Variants in DAW1 observed in about 807,000 individuals in gnomAD.
The protein encoded by DAW1 is dynein assembly factor with WD repeats 1, also known as dynein assembly factor with WD repeat domains 1.
DAW1 carries 47 observed loss-of-function variants against 56.5 expected under a neutral mutation model. The observed-to-expected ratio is 0.83, with a 90% CI of 0.66 to 1.06. The LOEUF is 1.06. DAW1 is among the 50% of genes least tolerant of loss of function. The pLI is 0.00. For missense variants in DAW1, 505 were observed against 499.3 expected, an observed-to-expected ratio of 1.01 and a Z score of -0.11; for synonymous variants, 190 against 179.0, an observed-to-expected ratio of 1.06 and a Z score of -0.49.
chr2:227,905,105 A>C, intron 8 of DAW1, 70 bp downstream of exon 8: 1 of 1,329,948 alleles, frequency 7.5e-7, no homozygotes, highest in Non-Finnish European at 1.1e-6. Context: ...GTTATTTTTT[A>C]GTTTAAGCTA....
intron 7 of DAW1, among the ~76,000 whole-genome samples, chr2:227,903,441 T>G (rs1715834): frequency 0.39 from 59,693 of 152,080 alleles, 11,888 homozygotes; most frequent in Middle Eastern, 0.55. Context: ...AAGAGAATCC[T>G]TAGAGCAATG....
intron 10 of DAW1, among the ~76,000 whole-genome samples, chr2:227,910,902 A>G (rs1285855346): frequency 1.3e-5 from 2 of 152,146 alleles, no homozygotes; most frequent in African/African-American, 4.8e-5. Flanking sequence ...CATATGACAC[A>G]AAATTATGTG....
intron 8 of DAW1, among the ~76,000 whole-genome samples, chr2:227,905,757 T>C (rs1396859398): frequency 6.6e-6 from 1 of 152,096 alleles, no homozygotes; most frequent in East Asian, 1.9e-4. Flanking sequence ...ATTATTTATT[T>C]AGTTAGTTAG....
At chr2:227,889,775 T>C (rs1010279941) in intron 2 of DAW1, 81 bp from the exon 3 acceptor site, 2 of 1,198,360 alleles carry the variant, frequency 1.7e-6, no homozygotes, top group African/African-American at 1.6e-5. Context: ...CATGAAGCAA[T>C]ACAATCAATT....
intron 5 of DAW1, chr2:227,895,715 C>A (rs1691389323): frequency 6.6e-6 from 1 of 152,206 alleles, no homozygotes; most frequent in Non-Finnish European, 1.5e-5. Flanking sequence ...GAGGTCAGAG[C>A]ATTCAGTGGA....
Position 227,906,221 on chromosome 2 carries a change from AT to A in DAW1, c.756-10del. The A allele has an allele frequency of 1.9e-6, 3 of 1,591,016 alleles. No individual in the cohort carries two copies. Among genetic ancestry groups the A allele is most frequent in the Non-Finnish European group, 2.6e-6 (3 of 1,163,976 alleles). On this transcript the variant is annotated splice_polypyrimidine_tract_variant and intron_variant, in intron 8 of 12. Transcript: ENST00000309931. Reference sequence around the variant, plus strand: ...AAGATATCTTTCACTAGTTTTAATTATTTTTGTGTTGTAGGAAGGTAAATAT... The same window carrying A: ...AAGATATCTTTCACTAGTTTTAATTATTTTGTGTTGTAGGAAGGTAAATAT...
At chr2:227,906,178 A>G in intron 8 of DAW1, 58 bp from the exon 9 acceptor site, 2 of 1,375,396 alleles carry the variant, frequency 1.5e-6, no homozygotes, top group Non-Finnish European at 1.0e-6. Context: ...CTCATTATTC[A>G]TGTGCATATA....
chr2:227,892,920 A>G (rs1691306604), intron 4 of DAW1, among the ~76,000 whole-genome samples: 1 of 152,182 alleles, frequency 6.6e-6, no homozygotes, highest in Non-Finnish European at 1.5e-5. Flanking sequence ...ATTACACTCT[A>G]TTCACTATTC....
In DAW1 at chr2:227,923,776, C is replaced by G. The variant is rs534587312; in HGVS notation, c.1214-158C>G. Among the ~76,000 whole-genome samples, 13 of 152,132 alleles carry G rather than the reference C, an allele frequency of 8.5e-5. 1 individual carries two copies. The East Asian group carries it at 2.5e-3, about 29-fold the overall frequency. On this transcript the variant is annotated intron_variant, in intron 12 of 12. Coordinates refer to ENST00000309931, the MANE Select transcript of DAW1 (RefSeq NM_178821.3). The stretch of plus-strand genomic sequence containing the variant: ...AAAAAAAATCACTACTTTAAAAATG[C>G]CTGAGCTGCTCAGAGACTCTGCAGC...
rs567545667 is a variant in DAW1, at chr2:227,924,303, C to G, written c.*335C>G. On this transcript the variant is annotated 3_prime_UTR_variant, in exon 13 of 13. Coordinates refer to ENST00000309931, the MANE Select transcript of DAW1 (RefSeq NM_178821.3). ...GTGTCTCCTGGATTTTACTTTGAAG[C>G]CTATTGTTATAATTTCTGTTGAATA... The G allele has an allele frequency of 2.7e-5, 8 of 295,716 alleles. No homozygotes were observed. The East Asian group carries it at 3.6e-4, about 13-fold the overall frequency. The allele number at this position is 295,716 out of a possible 1,614,324, so 18.3% of individuals were successfully genotyped here.
intron 10 of DAW1, among the ~76,000 whole-genome samples, chr2:227,916,296 C>T (rs1041969886): frequency 1.3e-5 from 2 of 152,098 alleles, no homozygotes; most frequent in Admixed American, 6.6e-5. Context: ...TATGAGTAAT[C>T]TCACTGATGA....
At position 227,889,907 on chromosome 2, in the gene DAW1, C is replaced by T. The variant is rs763918210; in HGVS notation, c.165C>T (p.Leu55=). The T allele has an allele frequency of 6.2e-7, 1 of 1,610,756 alleles. No homozygotes were observed. The highest frequency in any genetic ancestry group is 1.7e-5 in the Admixed American group (1 of 59,198). The change falls in exon 3 of 13, where the codon CTC becomes CTT. Residue 55 remains leucine (L), a synonymous_variant. Transcript: ENST00000309931. ...VEEIQKAEPL[L]TASRTEQVKL... is the part of the protein sequence containing the mutation. Reference sequence around the variant, plus strand: ...AAATCCAGAAGGCAGAACCTCTACTCACAGCTTCACGAACAGAGCAAGTCA... The same window carrying T: ...AAATCCAGAAGGCAGAACCTCTACTTACAGCTTCACGAACAGAGCAAGTCA...
chr2:227,911,283 T>TACAC (rs1691817712), intron 10 of DAW1, among the ~76,000 whole-genome samples: 5 of 147,442 alleles, frequency 3.4e-5, no homozygotes, highest in Admixed American at 2.7e-4. Flanking sequence ...TACACGTGTA[T>TACAC]ATATACATAT....
intron 2 of DAW1, among the ~76,000 whole-genome samples, chr2:227,885,876 T>A (rs1691117565): frequency 1.3e-5 from 2 of 152,200 alleles, no homozygotes; most frequent in Non-Finnish European, 2.9e-5. Flanking sequence ...GAATCCTACA[T>A]GACATTTAGC....
At chr2:227,886,307 C>A (rs1015131765) in intron 2 of DAW1, among the ~76,000 whole-genome samples, 13 of 152,148 alleles carry the variant, frequency 8.5e-5, no homozygotes, top group African/African-American at 3.1e-4. Flanking sequence ...ACCCAGAGTT[C>A]ATTCTCTTTA....
chr2:227,915,839 T>TAACC (rs1691938476), intron 10 of DAW1, among the ~76,000 whole-genome samples: 1 of 152,168 alleles, frequency 6.6e-6, no homozygotes, highest in South Asian at 2.1e-4. Context: ...CTCTTCTTGA[T>TAACC]AACCACATCA....
intron 10 of DAW1, among the ~76,000 whole-genome samples, chr2:227,910,119 A>G (rs1421769339): frequency 1.3e-5 from 2 of 152,220 alleles, no homozygotes; most frequent in Admixed American, 6.5e-5. Flanking sequence ...ATATTGTACT[A>G]TGACAATTTC....
At chr2:227,878,809 A>ATTTT (rs61488173) in intron 1 of DAW1, among the ~76,000 whole-genome samples, 1 of 138,084 alleles carries the variant, frequency 7.2e-6, no homozygotes, top group Non-Finnish European at 1.6e-5. Context: ...TTTAAATTTA[A>ATTTT]TTTTTTTTTT....
rs755454844 is a variant in DAW1 at position 227,893,842 on chromosome 2, C to A, written c.365C>A (p.Ala122Glu). The change falls in exon 5 of 13, where the codon GCG (alanine) becomes GAG (glutamate). Residue 122 changes from alanine (A) to glutamate (E), a missense_variant. Coordinates refer to ENST00000309931, the MANE Select transcript of DAW1 (RefSeq NM_178821.3). ...YDRTCKLWDT[A>E]SGEELNTLEG... The stretch of plus-strand genomic sequence containing the variant: ...CGGACGTGCAAGCTCTGGGACACTG[C>A]GTCTGGAGAGGAGCTGAACACGCTG... 3 of 1,613,808 alleles carry A rather than the reference C, an allele frequency of 1.9e-6. No homozygotes were observed. The highest frequency in any genetic ancestry group is 1.7e-5 in the Admixed American group (1 of 59,980).
Sources: gnomAD v4.1 joint callset for allele counts (sites outside exome capture counted in the v4.1 genomes callset) on GRCh38, gnomAD v4.1.1 for gene constraint, MANE v1.5 for transcripts, NCBI Gene and HGNC (gene_info 2026-07-23, HGNC 2026-07-21) for gene names.